CALN1: variants seen among roughly 807,000 people sequenced by gnomAD.
CALN1 encodes the protein calcium-binding protein 8.
CALN1 carries 17 observed loss-of-function variants against 30.6 expected under a neutral mutation model. The ratio of observed to expected loss-of-function variants is 0.56; its 90% CI spans 0.38 to 0.83. CALN1 has a LOEUF of 0.83. Ranked by LOEUF, CALN1 falls within the 40% of genes least tolerant of loss-of-function variation. CALN1 has a pLI of 0.00. For missense variants in CALN1, 291 were observed against 354.9 expected (o/e 0.82, Z 1.45); for synonymous variants, 156 against 131.4 (o/e 1.19, Z -1.28).
At chr7:71,823,693 G>C (rs1383792302) in intron 5 of CALN1, among the ~76,000 whole-genome samples, 1 of 151,532 alleles carries the variant, frequency 6.6e-6, no homozygotes, top group African/African-American at 2.4e-5. Context: ...ACTCCAGCCT[G>C]GGCAACAGAG....
At chr7:72,219,744 A>G (rs1341833305) in intron 3 of CALN1, among the ~76,000 whole-genome samples, 2 of 152,116 alleles carry the variant, frequency 1.3e-5, no homozygotes, top group South Asian at 2.1e-4. Flanking sequence ...ATGCACGCAC[A>G]CACACACACA....
chr7:72,131,426 AGCT>A (rs1162512971), intron 3 of CALN1, among the ~76,000 whole-genome samples: 5 of 152,242 alleles, frequency 3.3e-5, no homozygotes, highest in South Asian at 4.1e-4. Flanking sequence ...TCCAGTGGGG[AGCT>A]GAGCTAAATT....
intron 3 of CALN1, among the ~76,000 whole-genome samples, chr7:72,139,125 T>G (rs943552054): frequency 3.3e-5 from 5 of 152,092 alleles, no homozygotes; most frequent in African/African-American, 1.2e-4. Context: ...TCCCATTCAC[T>G]CATATATTCA....
chr7:72,196,039 A>G (rs993371623), intron 3 of CALN1, among the ~76,000 whole-genome samples: 1 of 152,182 alleles, frequency 6.6e-6, no homozygotes, highest in Non-Finnish European at 1.5e-5. Context: ...CAGAAAGTAG[A>G]TTAGTGGCTG....
chr7:72,401,267 A>G (rs1479642998), intron 2 of CALN1, among the ~76,000 whole-genome samples: 1 of 152,106 alleles, frequency 6.6e-6, no homozygotes, highest in African/African-American at 2.4e-5. Flanking sequence ...TGCTGAACCT[A>G]AGGGGAGAAC....
chr7:72,290,303 T>C (rs1419295112), intron 2 of CALN1, among the ~76,000 whole-genome samples: 1 of 152,032 alleles, frequency 6.6e-6, no homozygotes, highest in Admixed American at 6.6e-5. Flanking sequence ...CAACATTCCA[T>C]TGTTCACTCT....
At chr7:72,281,509 A>G (rs1250070221) in intron 2 of CALN1, among the ~76,000 whole-genome samples, 6 of 152,206 alleles carry the variant, frequency 3.9e-5, no homozygotes, top group Non-Finnish European at 8.8e-5. Context: ...CTTCATAAAC[A>G]TGGGAAGACA....
chr7:72,194,256 G>A (rs1217246994), intron 3 of CALN1, among the ~76,000 whole-genome samples: 1 of 152,216 alleles, frequency 6.6e-6, no homozygotes, highest in Non-Finnish European at 1.5e-5. Flanking sequence ...TCAGTGCAGT[G>A]TGGTAGCTCA....
At chr7:71,791,173 T>C (rs546313238) in intron 6 of CALN1, among the ~76,000 whole-genome samples, 1 of 152,300 alleles carries the variant, frequency 6.6e-6, no homozygotes, top group Admixed American at 6.5e-5. Context: ...AAAAATGGCA[T>C]TGATCTTTTT....
At chr7:72,189,083 C>T (rs887527660) in intron 3 of CALN1, among the ~76,000 whole-genome samples, 1 of 152,106 alleles carries the variant, frequency 6.6e-6, no homozygotes, top group Non-Finnish European at 1.5e-5. Flanking sequence ...AAAATCAGAG[C>T]CAAAATTAAG....
chr7:72,459,335 G>C, the CALN1 span, among the ~76,000 whole-genome samples: 3 of 152,168 alleles, frequency 2.0e-5, no homozygotes, highest in Non-Finnish European at 4.4e-5. Context: ...GTAATCAAGG[G>C]ACAGTCTGTC....
rs73369901 is a variant in CALN1 at position 72,085,082 on chromosome 7, C to T, written c.388+21069G>A. Reference sequence around the variant, plus strand: ...CAGGATCACCGAAGCACATGATCCTCTTTCTGACTTACGGTCAGAAGGTCA... The same window carrying T: ...CAGGATCACCGAAGCACATGATCCTTTTTCTGACTTACGGTCAGAAGGTCA... On this transcript the variant is annotated intron_variant, in intron 4 of 6. Transcript: ENST00000395275. Among the ~76,000 whole-genome samples, 1,372 of 152,312 alleles carry T rather than the reference C, an allele frequency of 9.0e-3. 15 individuals are homozygous for T. Among genetic ancestry groups the T allele is most frequent in the African/African-American group, 0.029 (1,198 of 41,576 alleles).
At chr7:72,331,768 A>G (rs1801695925) in intron 2 of CALN1, among the ~76,000 whole-genome samples, 1 of 152,084 alleles carries the variant, frequency 6.6e-6, no homozygotes, top group South Asian at 2.1e-4. Context: ...AATGTGTACC[A>G]TGGTGGTTTT....
the CALN1 span, among the ~76,000 whole-genome samples, chr7:72,458,796 T>C: frequency 3.1e-5 from 4 of 129,766 alleles, no homozygotes; most frequent in Non-Finnish European, 1.6e-5. Flanking sequence ...TAACATTATA[T>C]AATACATAAT....
the CALN1 span, among the ~76,000 whole-genome samples, chr7:72,489,952 G>A: frequency 0.15 from 23,472 of 152,236 alleles, 1,988 homozygotes; most frequent in African/African-American, 0.2. Context: ...CAAGTCTCCT[G>A]GCTCCTAGCC....
chr7:72,041,443 G>C (rs1048615263), intron 4 of CALN1, among the ~76,000 whole-genome samples: 3 of 152,032 alleles, frequency 2.0e-5, no homozygotes, highest in African/African-American at 7.2e-5. Flanking sequence ...GAGTGCAGTG[G>C]TACGATTTCG....
intron 3 of CALN1, among the ~76,000 whole-genome samples, chr7:72,249,220 T>G (rs1248314686): frequency 1.3e-5 from 2 of 151,924 alleles, no homozygotes; most frequent in Admixed American, 1.3e-4. Context: ...ATGAAAAAAA[T>G]CAGACAGATT....
At chr7:72,181,651 A>AT (rs1789816494) in intron 3 of CALN1, among the ~76,000 whole-genome samples, 1 of 151,870 alleles carries the variant, frequency 6.6e-6, no homozygotes, top group Non-Finnish European at 1.5e-5. Context: ...TAATTTTTGT[A>AT]TTTTTAGTAG....
chr7:72,230,542 G>GA (rs1380669830), intron 3 of CALN1, among the ~76,000 whole-genome samples: 1 of 151,580 alleles, frequency 6.6e-6, no homozygotes, highest in Non-Finnish European at 1.5e-5. Flanking sequence ...AGGACAGTAG[G>GA]AGAGTCAGAG....
Sources: allele counts gnomAD v4.1 joint callset (sites outside exome capture counted in the v4.1 genomes callset), GRCh38; gene constraint gnomAD v4.1.1; transcripts MANE v1.5; gene names NCBI Gene and HGNC (gene_info 2026-07-23, HGNC 2026-07-21).